The following CADM2 variants were observed in gnomAD, a reference collection of about 807,000 sequenced individuals.
CADM2 encodes immunoglobulin superfamily member 4D.
CADM2 carries 12 observed loss-of-function variants against 49.8 expected under a neutral mutation model. The ratio of observed to expected loss-of-function variants is 0.24; its 90% CI spans 0.15 to 0.39. The LOEUF (loss-of-function observed/expected upper bound fraction) is 0.39. Among genes scored for constraint, CADM2 ranks in the 10% least tolerant of loss-of-function variants. The probability of loss-of-function intolerance (pLI) is 1.00; values close to 1 mark genes in which losing one functional copy is unlikely to be tolerated. For synonymous variants in CADM2, 214 were observed against 175.4 expected (o/e 1.22, Z -1.74); for missense variants, 378 against 492.3 (o/e 0.77, Z 2.20).
At chr3:85,905,765 A>G (rs1716718518) in intron 5 of CADM2, among the ~76,000 whole-genome samples, 1 of 152,180 alleles carries the variant, frequency 6.6e-6, no homozygotes, top group Non-Finnish European at 1.5e-5. Flanking sequence ...CCAATGGGTA[A>G]TTTTAATTTT....
intron 1 of CADM2, among the ~76,000 whole-genome samples, chr3:84,984,502 G>C (rs2032430376): frequency 6.8e-6 from 1 of 146,288 alleles, no homozygotes; most frequent in Non-Finnish European, 1.5e-5. Context: ...TTGAATCCTT[G>C]CAGTCTTTCA....
intron 1 of CADM2, among the ~76,000 whole-genome samples, chr3:85,297,586 C>T (rs1280750072): frequency 6.6e-6 from 1 of 152,016 alleles, no homozygotes; most frequent in African/African-American, 2.4e-5. Context: ...CTCCTAATAA[C>T]ATGTTAGGCT....
At chr3:86,010,698 CATA>C (rs1366217949) in intron 8 of CADM2, among the ~76,000 whole-genome samples, 5 of 150,508 alleles carry the variant, frequency 3.3e-5, no homozygotes, top group African/African-American at 9.7e-5. Context: ...ATAAATAGAA[CATA>C]ATAAAGATAA....
At chr3:85,286,169 CA>C (rs2043628088) in intron 1 of CADM2, among the ~76,000 whole-genome samples, 1 of 152,074 alleles carries the variant, frequency 6.6e-6, no homozygotes, top group African/African-American at 2.4e-5. Context: ...CTCAAAGGAC[CA>C]TGGGCTAACA....
At chr3:85,023,213 C>T (rs1003276067) in intron 1 of CADM2, among the ~76,000 whole-genome samples, 3 of 152,000 alleles carry the variant, frequency 2.0e-5, no homozygotes, top group Admixed American at 1.3e-4. Flanking sequence ...TTTGTTATTG[C>T]TGTTGTTGGA....
At chr3:84,978,631 A>C (rs1353469146) in intron 1 of CADM2, among the ~76,000 whole-genome samples, 1 of 152,172 alleles carries the variant, frequency 6.6e-6, no homozygotes, top group African/African-American at 2.4e-5. Flanking sequence ...GGAATTTACT[A>C]GCTGAAATGC....
At chr3:85,301,096 C>T (rs981140610) in intron 1 of CADM2, among the ~76,000 whole-genome samples, 10 of 151,976 alleles carry the variant, frequency 6.6e-5, no homozygotes, top group African/African-American at 1.7e-4. Context: ...AAGATACAAA[C>T]GACATTATAT....
intron 1 of CADM2, among the ~76,000 whole-genome samples, chr3:85,512,760 TCATA>T (rs1207683235): frequency 6.0e-5 from 9 of 149,334 alleles, no homozygotes; most frequent in Admixed American, 3.4e-4. Context: ...TTTGTAAAGA[TCATA>T]CATACAACAG....
At chr3:85,065,381 A>G (rs941142073) in intron 1 of CADM2, among the ~76,000 whole-genome samples, 20 of 152,038 alleles carry the variant, frequency 1.3e-4, no homozygotes, top group African/African-American at 4.8e-4. Flanking sequence ...CCACTTGATA[A>G]TTTAGGTTTA....
chr3:86,062,461 C>T (rs1445833728), intron 8 of CADM2, among the ~76,000 whole-genome samples: 1 of 152,004 alleles, frequency 6.6e-6, no homozygotes, highest in Non-Finnish European at 1.5e-5. Context: ...CCCCTCACCC[C>T]GACCCGCAAC....
intron 1 of CADM2, among the ~76,000 whole-genome samples, chr3:85,308,136 C>T (rs1029160926): frequency 6.6e-6 from 1 of 151,690 alleles, no homozygotes; most frequent in Non-Finnish European, 1.5e-5. Flanking sequence ...ATTGTGTAAA[C>T]ATTTGAGGAA....
chr3:85,834,048 G>C (rs2074299611), intron 3 of CADM2, among the ~76,000 whole-genome samples: 1 of 151,394 alleles, frequency 6.6e-6, no homozygotes. Flanking sequence ...AAATTTTATA[G>C]GATTTAAGTG....
intron 2 of CADM2, among the ~76,000 whole-genome samples, chr3:85,753,575 C>T (rs377145089): frequency 5.3e-5 from 8 of 152,146 alleles, no homozygotes; most frequent in Admixed American, 1.3e-4. Flanking sequence ...CATAAGAAGT[C>T]GGTCTACTTC....
At chr3:85,534,462 G>T (rs2061384192) in intron 1 of CADM2, among the ~76,000 whole-genome samples, 1 of 152,182 alleles carries the variant, frequency 6.6e-6, no homozygotes, top group Non-Finnish European at 1.5e-5. Context: ...TAGAGATGAT[G>T]TTGGTAAGTT....
chr3:85,206,359 G>A (rs961665664), intron 1 of CADM2, among the ~76,000 whole-genome samples: 2 of 147,284 alleles, frequency 1.4e-5, no homozygotes, highest in Non-Finnish European at 3.0e-5. Context: ...CCAGGCTGGA[G>A]TGCAGTGGCG....
intron 1 of CADM2, among the ~76,000 whole-genome samples, chr3:85,702,006 A>T (rs2066788661): frequency 6.7e-6 from 1 of 148,180 alleles, no homozygotes; most frequent in African/African-American, 2.5e-5. Context: ...ATAGATAGAT[A>T]GATAGATAGA....
At chr3:85,151,108 GT>G (rs2039908551) in intron 1 of CADM2, among the ~76,000 whole-genome samples, 2 of 151,942 alleles carry the variant, frequency 1.3e-5, no homozygotes, top group African/African-American at 4.8e-5. Context: ...GAACAAATGG[GT>G]ATGGGTAAGA....
chr3:85,732,885 TA>T (rs1368890974), intron 2 of CADM2, among the ~76,000 whole-genome samples: 1 of 152,226 alleles, frequency 6.6e-6, no homozygotes, highest in Non-Finnish European at 1.5e-5. Flanking sequence ...TTCAAGCTTT[TA>T]ATCTATTAAA....
At chr3:85,304,963 T>C (rs2044180307) in intron 1 of CADM2, among the ~76,000 whole-genome samples, 1 of 151,764 alleles carries the variant, frequency 6.6e-6, no homozygotes, top group South Asian at 2.1e-4. Context: ...TTAATGGTTT[T>C]GAAGTAATAC....
Sources: gnomAD v4.1 joint callset for allele counts (sites outside exome capture counted in the v4.1 genomes callset) on GRCh38, gnomAD v4.1.1 for gene constraint, MANE v1.5 for transcripts, NCBI Gene and HGNC (gene_info 2026-07-23, HGNC 2026-07-21) for gene names.